The following MAPK10 variants were observed in gnomAD, a reference collection of about 807,000 sequenced individuals.
MAPK10 encodes mitogen-activated protein kinase 10, also known as JNK3 alpha protein kinase.
MAPK10 carries 25 observed loss-of-function variants against 59.3 expected under a neutral mutation model. That is an observed-to-expected ratio of 0.42 (90% CI 0.31 to 0.59). MAPK10 has a LOEUF of 0.59. Among genes scored for constraint, MAPK10 ranks in the 20% least tolerant of loss-of-function variants. The pLI is 0.15. For synonymous variants in MAPK10, 190 were observed against 200.5 expected (o/e 0.95, Z 0.44); for missense variants, 351 against 568.9 (o/e 0.62, Z 3.90).
chr4:86,277,416 C>G (rs1344578134), intron 2 of MAPK10, among the ~76,000 whole-genome samples: 1 of 151,876 alleles, frequency 6.6e-6, no homozygotes. Context: ...TTTATGATTT[C>G]TAATATATTA....
upstream of MAPK10, among the ~76,000 whole-genome samples, chr4:86,457,476 C>G (rs1230503584): frequency 6.6e-6 from 1 of 152,186 alleles, no homozygotes; most frequent in African/African-American, 2.4e-5. Flanking sequence ...ATACAAAAAT[C>G]AACATACACA....
At chr4:86,281,268 G>A (rs141550157) in intron 2 of MAPK10, among the ~76,000 whole-genome samples, 2 of 152,148 alleles carry the variant, frequency 1.3e-5, no homozygotes, top group Non-Finnish European at 2.9e-5. Flanking sequence ...ACTTTAGGAG[G>A]CAGGCAGATC....
At chr4:86,576,403 G>A (rs958227968) in intron 1 of MAPK10, among the ~76,000 whole-genome samples, 2 of 152,262 alleles carry the variant, frequency 1.3e-5, no homozygotes, top group East Asian at 1.9e-4. Flanking sequence ...GGCAGGTAGA[G>A]TAGTTAATAG....
At chr4:86,580,586 C>A (rs750920330) in intron 1 of MAPK10, among the ~76,000 whole-genome samples, 1 of 152,040 alleles carries the variant, frequency 6.6e-6, no homozygotes, top group Non-Finnish European at 1.5e-5. Flanking sequence ...TTTAAATATG[C>A]AACTTTATCA....
At chr4:86,437,820 C>A (rs975919161) in intron 1 of MAPK10, among the ~76,000 whole-genome samples, 1 of 152,018 alleles carries the variant, frequency 6.6e-6, no homozygotes. Context: ...CTGTACAGCA[C>A]AAAACTGGGG....
At chr4:86,388,497 G>A (rs1215736808) in intron 1 of MAPK10, among the ~76,000 whole-genome samples, 1 of 152,106 alleles carries the variant, frequency 6.6e-6, no homozygotes, top group Non-Finnish European at 1.5e-5. Flanking sequence ...TCATACATAA[G>A]ATGACTTTTA....
chr4:86,530,844 T>G (rs80062092), intron 1 of MAPK10, among the ~76,000 whole-genome samples: 7,126 of 152,268 alleles, frequency 0.047, 217 homozygotes, highest in African/African-American at 0.059. Flanking sequence ...AGAAAATGCA[T>G]CTTTTTCCTG....
chr4:86,357,612 T>C (rs979069503), intron 1 of MAPK10: 1 of 152,130 alleles, frequency 6.6e-6, no homozygotes, highest in African/African-American at 2.4e-5. Flanking sequence ...TATGAAACCA[T>C]TAAATACTAA....
At chr4:86,446,023 C>G (rs1031846861) in intron 1 of MAPK10, among the ~76,000 whole-genome samples, 1 of 151,924 alleles carries the variant, frequency 6.6e-6, no homozygotes, top group Admixed American at 6.6e-5. Flanking sequence ...ACAGTTTGTT[C>G]AAAATAATAA....
intron 1 of MAPK10, among the ~76,000 whole-genome samples, chr4:86,404,641 T>C (rs902675379): frequency 6.6e-6 from 1 of 152,172 alleles, no homozygotes; most frequent in African/African-American, 2.4e-5. Context: ...TAAGCACCCT[T>C]TTGAAAATAA....
intron 11 of MAPK10, among the ~76,000 whole-genome samples, chr4:86,036,425 C>A (rs1254769854): frequency 7.4e-6 from 1 of 135,198 alleles, no homozygotes; most frequent in African/African-American, 2.5e-5. Flanking sequence ...TCTCTGAGAA[C>A]TTGATAAAAA....
At chr4:86,508,583 G>A (rs1755975257) in intron 1 of MAPK10, among the ~76,000 whole-genome samples, 1 of 152,260 alleles carries the variant, frequency 6.6e-6, no homozygotes, top group African/African-American at 2.4e-5. Flanking sequence ...TGATCTGCAT[G>A]GCTGGGTTAA....
At chr4:86,527,334 AAAAAAAG>A in intron 1 of MAPK10, among the ~76,000 whole-genome samples, 1 of 149,266 alleles carries the variant, frequency 6.7e-6, no homozygotes, top group African/African-American at 2.4e-5. Context: ...AAAAAAAAAA[AAAAAAAG>A]TAGGCAAAGG....
intron 2 of MAPK10, among the ~76,000 whole-genome samples, chr4:86,257,147 G>A (rs2093778251): frequency 6.6e-6 from 1 of 152,048 alleles, no homozygotes; most frequent in South Asian, 2.1e-4. Context: ...TAGGACACTA[G>A]CATGAATATA....
chr4:86,363,023 C>A (rs1164090197), upstream of MAPK10, among the ~76,000 whole-genome samples: 4 of 151,992 alleles, frequency 2.6e-5, no homozygotes, highest in Non-Finnish European at 5.9e-5. Context: ...TTATAATAAG[C>A]AAAAGCAGGA....
chr4:86,243,745 C>T (rs1447408401), intron 2 of MAPK10, among the ~76,000 whole-genome samples: 1 of 149,896 alleles, frequency 6.7e-6, no homozygotes, highest in South Asian at 2.1e-4. Flanking sequence ...CCCCCTCCCC[C>T]AATCCTAGTA....
At chr4:86,358,369 A>G (rs2148978488) in intron 1 of MAPK10, 1 of 985,426 alleles carries the variant, frequency 1.0e-6, no homozygotes, top group Middle Eastern at 5.2e-4. Context: ...TGCCTGGTGC[A>G]CTTACACTCG....
intron 1 of MAPK10, among the ~76,000 whole-genome samples, chr4:86,541,947 G>GCA (rs10555824): frequency 0.059 from 8,278 of 140,344 alleles, 252 homozygotes; most frequent in African/African-American, 0.077. Context: ...GAATACACCG[G>GCA]CACACACACA....
intron 1 of MAPK10, among the ~76,000 whole-genome samples, chr4:86,561,556 T>C (rs1760681020): frequency 6.6e-6 from 1 of 152,214 alleles, no homozygotes; most frequent in Non-Finnish European, 1.5e-5. Context: ...TGAAGAACTA[T>C]TCTGGTGTTA....
Sources: allele counts gnomAD v4.1 joint callset (sites outside exome capture counted in the v4.1 genomes callset), GRCh38; gene constraint gnomAD v4.1.1; transcripts MANE v1.5; gene names NCBI Gene and HGNC (gene_info 2026-07-23, HGNC 2026-07-21).